MYH8: variants seen among roughly 807,000 people sequenced by gnomAD.
MYH8 encodes the protein myosin heavy chain 8.
Under a neutral mutation model 233.2 loss-of-function variants are expected in MYH8, and 168 were observed. The observed-to-expected ratio is 0.72, with a 90% CI of 0.64 to 0.82. MYH8 has a LOEUF of 0.82. MYH8 is among the 40% of genes least tolerant of loss of function. The pLI is 0.00. For missense variants in MYH8, 1,995 were observed against 2,327.8 expected (o/e 0.86, Z 2.94); for synonymous variants, 785 against 850.6 (o/e 0.92, Z 1.34).
At chr17:10,410,055 A>G (rs9902314) in intron 15 of MYH8, among the ~76,000 whole-genome samples, 30,213 of 152,158 alleles carry the variant, frequency 0.2, 3,411 homozygotes, top group Non-Finnish European at 0.25. Context: ...TGTAATCCCA[A>G]CACTTTGGGA....
rs1310389790 is a variant in MYH8 at position 10,396,720 on chromosome 17, T to C, written c.4363-2A>G. ...CTTCTGCTTCCATTCTGATAGGACC[T>C]GAAAAGCAATAAATCATGAGTTGAT... On this transcript the variant is annotated splice_acceptor_variant, in intron 31 of 39. Transcript: ENST00000403437. LOFTEE classifies it high-confidence loss of function. The surrounding 1 kb of genome is among the most constrained non-coding windows in gnomAD (Gnocchi z 4.2). 6.2e-7 allele frequency: 1 copy of C among 1,614,196 alleles called. No individual in the cohort carries two copies. Among genetic ancestry groups the C allele is most frequent in the Admixed American group, 1.7e-5 (1 of 60,010 alleles).
intron 37 of MYH8, 86 bp from the exon 38 acceptor site, chr17:10,392,732 C>T: frequency 6.2e-7 from 1 of 1,613,762 alleles, no homozygotes; most frequent in Non-Finnish European, 8.5e-7. Context: ...GTGGGTGTTC[C>T]CAGCCCCAGG....
In MYH8 at chr17:10,412,528, ATAGAG is replaced by A; in HGVS notation, c.1267-14_1267-10del. ...CCCACCGCATTGTACACCTTCACAGATAGAGTAATGTTTGTTGGTATTGTTAAAGA... is the reference window on the plus strand; with the variant it reads ...CCCACCGCATTGTACACCTTCACAGATAATGTTTGTTGGTATTGTTAAAGA... On this transcript the variant is annotated splice_polypyrimidine_tract_variant and intron_variant, in intron 13 of 39. Coordinates refer to ENST00000403437, the MANE Select transcript of MYH8 (RefSeq NM_002472.3). 6.2e-7 allele frequency: 1 copy of A among 1,614,176 alleles called. No individual in the cohort carries two copies. The highest frequency in any genetic ancestry group is 8.5e-7 in the Non-Finnish European group (1 of 1,180,036).
Position 10,395,217 on chromosome 17 carries a change from A to G in MYH8, c.4878T>C (p.Asn1626=), listed in dbSNP as rs202123184. 2.6e-4 allele frequency: 421 copies of G among 1,614,136 alleles called. 5 individuals carry two copies. The South Asian group carries it at 3.0e-3, about 11-fold the overall frequency. The change falls in exon 34 of 40, where the codon AAT becomes AAC. Residue 1626 remains asparagine, a synonymous_variant. Coordinates refer to ENST00000403437, the MANE Select transcript of MYH8 (RefSeq NM_002472.3). ...RVKKKMEGDL[N]EMEIQLNHAN... ...CATGGTTCAGCTGGATTTCCATTTC[A>G]TTCAGATCTCCTTCCATTTTCTTCT...
rs2072029443 is a variant in MYH8, at chr17:10,391,966, ATCT to A, written c.5577_5579del (p.Glu1859del). ...CCTGCAGCCTGAGAACATTCTTGCG[ATCT>A]TCTTCAGTCTGAAAGTTTGAAAAAA... On this transcript the variant is annotated inframe_deletion, in exon 39 of 40. Coordinates refer to ENST00000403437, the MANE Select transcript of MYH8 (RefSeq NM_002472.3). 1 of 1,613,918 alleles carries A rather than the reference ATCT, an allele frequency of 6.2e-7. No individual in the cohort carries two copies. Among genetic ancestry groups the A allele is most frequent in the Admixed American group, 1.7e-5 (1 of 60,002 alleles).
chr17:10,417,596 C>T lies in MYH8; in HGVS notation c.511+1049G>A, dbSNP rs2072300013. Among the ~76,000 whole-genome samples, 1 of 152,072 alleles carries T rather than the reference C, an allele frequency of 6.6e-6. No homozygotes were observed. Among genetic ancestry groups the T allele is most frequent in the Non-Finnish European group, 1.5e-5 (1 of 68,008 alleles). ...TAAGTAACCTTGAATTTGGAGCAGCCCCAAACCCTGGGGAGCGGGGGGCTT... is the reference window on the plus strand; with the variant it reads ...TAAGTAACCTTGAATTTGGAGCAGCTCCAAACCCTGGGGAGCGGGGGGCTT... On this transcript the variant is annotated intron_variant, in intron 5 of 39. Coordinates refer to ENST00000403437, the MANE Select transcript of MYH8 (RefSeq NM_002472.3). The surrounding 1 kb of genome is among the most constrained non-coding windows in gnomAD (Gnocchi z 4.1).
At chr17:10,398,673 A>G (rs1463229696) in intron 29 of MYH8, 33 bp from the exon 30 acceptor site, 16 of 1,614,130 alleles carry the variant, frequency 9.9e-6, no homozygotes, top group Non-Finnish European at 1.4e-5. Flanking sequence ...ACATAAATTC[A>G]TGTATTCAGT....
Position 10,420,250 on chromosome 17 carries a change from G to A in MYH8, c.-23C>T, listed in dbSNP as rs111802153. 2 of 1,611,816 alleles carry A rather than the reference G, an allele frequency of 1.2e-6. No individual in the cohort carries two copies. Among genetic ancestry groups the A allele is most frequent in the Non-Finnish European group, 1.7e-6 (2 of 1,179,528 alleles). ...CATGGCTGCGATTTATTTAGCAAAGGATTCTGCCTAGGGAGGAGAGAAACG... is the reference window on the plus strand; with the variant it reads ...CATGGCTGCGATTTATTTAGCAAAGAATTCTGCCTAGGGAGGAGAGAAACG... On this transcript the variant is annotated 5_prime_UTR_variant, in exon 3 of 40. Coordinates refer to ENST00000403437, the MANE Select transcript of MYH8 (RefSeq NM_002472.3).
intron 33 of MYH8, 79 bp from the exon 34 acceptor site, chr17:10,395,520 G>T: frequency 7.2e-7 from 1 of 1,391,812 alleles, no homozygotes; most frequent in Non-Finnish European, 1.0e-6. Flanking sequence ...CCAAACTCTT[G>T]TCAATATCAG....
In MYH8 at chr17:10,419,249, G is replaced by T. The variant is rs2072316134; in HGVS notation, c.211-219C>A. Among the ~76,000 whole-genome samples, 1 of 152,132 alleles carries T rather than the reference G, an allele frequency of 6.6e-6. No homozygotes were observed. Among genetic ancestry groups the T allele is most frequent in the African/African-American group, 2.4e-5 (1 of 41,436 alleles). On this transcript the variant is annotated intron_variant, in intron 3 of 39. Coordinates refer to ENST00000403437, the MANE Select transcript of MYH8 (RefSeq NM_002472.3). The surrounding 1 kb of genome is among the most constrained non-coding windows in gnomAD (Gnocchi z 4.0). The stretch of plus-strand genomic sequence containing the variant: ...ATTTTTGTATTTTTAGTAGAGACAG[G>T]ATTTCGCCATGTTGGCCAGGCTGGT...
At position 10,415,302 on chromosome 17, in the gene MYH8, G is replaced by T; in HGVS notation, c.731C>A (p.Ser244Tyr). 1 of 1,613,786 alleles carries T rather than the reference G, an allele frequency of 6.2e-7. No homozygotes were observed. Among genetic ancestry groups the T allele is most frequent in the Admixed American group, 1.7e-5 (1 of 60,024 alleles). Reference protein sequence around the residue: ...GNAKTVRNDNSSRFGKFIRIH... With the variant: ...GNAKTVRNDNYSRFGKFIRIH... The stretch of plus-strand genomic sequence containing the variant: ...GACCAAGAGACTCACAAAGCGAGAG[G>T]AGTTGTCATTCCTCACAGTTTTGGC... Residue 244 changes from serine (S) to tyrosine (Y), a missense_variant, in exon 8 of 40, where the codon TCC (serine) becomes TAC (tyrosine). Coordinates refer to ENST00000403437, the MANE Select transcript of MYH8 (RefSeq NM_002472.3). The surrounding 1 kb of genome is among the most constrained non-coding windows in gnomAD (Gnocchi z 4.1).
intron 1 of MYH8, 35 bp from the exon 2 acceptor site, chr17:10,421,741 C>T (rs1001876757): frequency 1.3e-5 from 2 of 152,104 alleles, no homozygotes; most frequent in Admixed American, 1.3e-4. Context: ...AGTGATGCTC[C>T]GAAATTCCAA....
intron 15 of MYH8, among the ~76,000 whole-genome samples, chr17:10,409,904 C>T (rs772145374): frequency 4.6e-5 from 7 of 152,092 alleles, no homozygotes; most frequent in Non-Finnish European, 1.0e-4. Flanking sequence ...AGTTTTTCTT[C>T]GTTATGAAAA....
intron 19 of MYH8, 73 bp from the exon 20 acceptor site, chr17:10,406,470 A>G: frequency 2.5e-6 from 4 of 1,592,276 alleles, no homozygotes; most frequent in Non-Finnish European, 3.4e-6. Flanking sequence ...CCAAAAAGAA[A>G]TATCAACAAA....
rs564303774 is a variant in MYH8, at chr17:10,395,632, A to C, written c.4654-191T>G. Among the ~76,000 whole-genome samples the C allele has an allele frequency of 4.6e-5, 7 of 152,292 alleles. No individual in the cohort carries two copies. In the East Asian group the frequency reaches 1.2e-3, roughly 25 times the overall value. ...ACAGATTATATAGGGCAGCTCTGCA[A>C]TAAAGGTGCATTGTGCTATACAAAT... On this transcript the variant is annotated intron_variant, in intron 33 of 39. Coordinates refer to ENST00000403437, the MANE Select transcript of MYH8 (RefSeq NM_002472.3).
At chr17:10,398,972 A>G in intron 28 of MYH8, 86 bp from the exon 29 acceptor site, 1 of 634,476 alleles carries the variant, frequency 1.6e-6, no homozygotes, top group South Asian at 1.6e-5. Flanking sequence ...GTGTGTATAT[A>G]TATATGTATA....
In MYH8 at chr17:10,399,636, C is replaced by T. The variant is rs756473788; in HGVS notation, c.3769G>A (p.Asp1257Asn). 1.9e-6 allele frequency: 3 copies of T among 1,614,124 alleles called. No individual in the cohort carries two copies. In the South Asian group the frequency reaches 3.3e-5, roughly 18 times the overall value. Reference protein sequence around the residue: ...NLEKMCRSLEDQVSELKTKEE... With the variant: ...NLEKMCRSLENQVSELKTKEE... Reference sequence around the variant, plus strand: ...TTGGTCTTAAGCTCACTCACTTGATCTTCTAGAGAGCGGCACATCTTTTCA... The same window carrying T: ...TTGGTCTTAAGCTCACTCACTTGATTTTCTAGAGAGCGGCACATCTTTTCA... The change falls in exon 28 of 40, where the codon GAT becomes AAT. Residue 1257 changes from aspartate (D) to asparagine (N), a missense_variant. This residue lies in a region of MYH8 where 1,498 missense variants were observed against 1,680.9 expected (regional missense o/e 0.89). Transcript: ENST00000403437.
At chr17:10,390,704 G>T in intron 39 of MYH8, 101 bp from the exon 40 acceptor site, 1 of 1,337,368 alleles carries the variant, frequency 7.5e-7, no homozygotes, top group Non-Finnish European at 1.1e-6. Flanking sequence ...TCCTTCTTAT[G>T]GTCTATTTAG....
chr17:10,391,030 C>T (rs1043438425), intron 39 of MYH8, among the ~76,000 whole-genome samples: 1 of 152,200 alleles, frequency 6.6e-6, no homozygotes, highest in Non-Finnish European at 1.5e-5. Context: ...ATTTATGCCT[C>T]TCCCTTTTTT....
Sources: gnomAD v4.1 joint callset for allele counts (sites outside exome capture counted in the v4.1 genomes callset) on GRCh38, gnomAD v4.1.1 for gene constraint, gnomAD v4.1.1 regional missense constraint, Gnocchi (gnomAD v3.1) non-coding constraint, MANE v1.5 for transcripts, NCBI Gene and HGNC (gene_info 2026-07-23, HGNC 2026-07-21) for gene names.